Variants in SLC39A10 observed in about 807,000 individuals in gnomAD.
SLC39A10 encodes the protein solute carrier family 39 member 10.
A neutral mutation model predicts 65.1 loss-of-function variants in SLC39A10; 13 were observed. The observed-to-expected ratio is 0.20, with a 90% CI of 0.13 to 0.32. The LOEUF (loss-of-function observed/expected upper bound fraction) is 0.32. SLC39A10 is among the 10% of genes least tolerant of loss of function. The probability of loss-of-function intolerance (pLI) is 1.00; values close to 1 mark genes in which losing one functional copy is unlikely to be tolerated. For missense variants in SLC39A10, 831 were observed against 1,018.4 expected, an observed-to-expected ratio of 0.82 and a Z score of 2.50; for synonymous variants, 321 against 342.2, an observed-to-expected ratio of 0.94 and a Z score of 0.68.
At chr2:195,719,540 A>G (rs1462292419) in intron 8 of SLC39A10, among the ~76,000 whole-genome samples, 1 of 152,184 alleles carries the variant, frequency 6.6e-6, no homozygotes. Context: ...ATGCATGCTA[A>G]AGCAGTATGA....
chr2:195,662,274 C>CTT (rs778924026), intron 1 of SLC39A10, among the ~76,000 whole-genome samples: 19 of 140,762 alleles, frequency 1.3e-4, no homozygotes, highest in Admixed American at 4.3e-4. Flanking sequence ...GTGGTGTTCC[C>CTT]TTTTTTTTTT....
chr2:195,651,721 C>T (rs1270904936), intron 2 of SLC39A10, among the ~76,000 whole-genome samples: 3 of 152,240 alleles, frequency 2.0e-5, no homozygotes, highest in African/African-American at 4.8e-5. Flanking sequence ...GTGATCCACC[C>T]GCTTTGGCCT....
intron 3 of SLC39A10, among the ~76,000 whole-genome samples, chr2:195,689,856 C>A (rs1020740442): frequency 6.6e-6 from 1 of 152,134 alleles, no homozygotes; most frequent in Admixed American, 6.5e-5. Context: ...ATTATGTCCT[C>A]AAGGTTCATC....
At chr2:195,642,167 C>T (rs906531087) in intron 2 of SLC39A10, among the ~76,000 whole-genome samples, 8 of 152,040 alleles carry the variant, frequency 5.3e-5, no homozygotes, top group South Asian at 2.1e-4. Flanking sequence ...CTAACTTTCA[C>T]GGTGGAGAAT....
At chr2:195,625,025 T>C (rs1345724014) in intron 2 of SLC39A10, among the ~76,000 whole-genome samples, 3 of 149,562 alleles carry the variant, frequency 2.0e-5, no homozygotes, top group African/African-American at 7.4e-5. Flanking sequence ...AAGACCAGCC[T>C]GGACAACATG....
intron 5 of SLC39A10, among the ~76,000 whole-genome samples, chr2:195,711,167 T>G (rs907383445): frequency 1.8e-4 from 27 of 152,334 alleles, no homozygotes; most frequent in Admixed American, 1.6e-3. Context: ...GCATCTCTAA[T>G]GTGACAATCT....
chr2:195,693,072 A>T (rs1472528409), intron 3 of SLC39A10, among the ~76,000 whole-genome samples: 1 of 152,184 alleles, frequency 6.6e-6, no homozygotes, highest in Non-Finnish European at 1.5e-5. Flanking sequence ...TTCTGCATCT[A>T]TCAAGATGAT....
intron 3 of SLC39A10, among the ~76,000 whole-genome samples, chr2:195,701,435 C>CTTTTTTTTTT (rs66525117): frequency 1.8e-4 from 1 of 5,500 alleles, no homozygotes. Context: ...TTCTGTGATT[C>CTTTTTTTTTT]TTTTTTTTTT....
chr2:195,682,803 G>C (rs114844505), intron 2 of SLC39A10, among the ~76,000 whole-genome samples: 217 of 150,422 alleles, frequency 1.4e-3, no homozygotes, highest in African/African-American at 4.9e-3. Flanking sequence ...TGGTAGTTAA[G>C]ACCTAAGAAG....
At chr2:195,721,718 A>G (rs1271447504) in intron 8 of SLC39A10, among the ~76,000 whole-genome samples, 1 of 152,140 alleles carries the variant, frequency 6.6e-6, no homozygotes, top group African/African-American at 2.4e-5. Flanking sequence ...CTCATATTTA[A>G]TCTTTCACTT....
chr2:195,697,349 TC>T (rs1273515167), intron 3 of SLC39A10, among the ~76,000 whole-genome samples: 1 of 152,214 alleles, frequency 6.6e-6, no homozygotes, highest in African/African-American at 2.4e-5. Context: ...TATTAAGTCT[TC>T]CAATCCGTGA....
At chr2:195,675,467 G>T (rs993837040) in intron 1 of SLC39A10, among the ~76,000 whole-genome samples, 2 of 152,094 alleles carry the variant, frequency 1.3e-5, no homozygotes, top group Admixed American at 6.5e-5. Flanking sequence ...ACATAGTCTC[G>T]CTCTGTCGCC....
rs1161931773 is a variant in SLC39A10, at chr2:195,680,374, A to G, written c.332A>G (p.His111Arg). ...HEDLGHDHVS[H>R]LDILAVQEGK... is the part of the protein sequence containing the mutation. ...GATCTTGGCCACGATCATGTTTCTC[A>G]TTTAGATATTTTGGCAGTTCAAGAG... is the stretch of plus-strand genomic sequence containing the variant. Residue 111 changes from histidine (H) to arginine (R), a missense_variant, in exon 2 of 10, where the codon CAT becomes CGT. By Grantham distance (29) the His-to-Arg change is conservative (BLOSUM62 0). Coordinates refer to ENST00000359634, the MANE Select transcript of SLC39A10 (RefSeq NM_020342.3). The G allele has an allele frequency of 6.2e-7, 1 of 1,614,054 alleles. No individual in the cohort carries two copies. The highest frequency in any genetic ancestry group is 8.5e-7 in the Non-Finnish European group (1 of 1,180,042).
chr2:195,711,152 A>G (rs540427199), intron 5 of SLC39A10, among the ~76,000 whole-genome samples: 47 of 152,342 alleles, frequency 3.1e-4, no homozygotes, highest in Middle Eastern at 3.4e-3. Flanking sequence ...AGAATTGCCA[A>G]TTGAGCATCT....
chr2:195,613,427 T>G (rs772085887), intron 2 of SLC39A10, among the ~76,000 whole-genome samples: 4 of 152,228 alleles, frequency 2.6e-5, no homozygotes, highest in Non-Finnish European at 4.4e-5. Context: ...AGTAAGTGCA[T>G]GCTTTATAAA....
chr2:195,665,621 C>T (rs572057044), intron 1 of SLC39A10, among the ~76,000 whole-genome samples: 143 of 152,118 alleles, frequency 9.4e-4, no homozygotes, highest in African/African-American at 3.2e-3. Flanking sequence ...CAAAGTTATA[C>T]ATGAATATAG....
At chr2:195,634,497 A>G (rs144948535) in intron 2 of SLC39A10, among the ~76,000 whole-genome samples, 2,361 of 152,342 alleles carry the variant, frequency 0.015, 22 homozygotes, top group South Asian at 0.025. Flanking sequence ...GTGCCTTGTT[A>G]AATGACTTGT....
chr2:195,624,395 G>GAA (rs35636489), intron 2 of SLC39A10, among the ~76,000 whole-genome samples: 3,051 of 65,888 alleles, frequency 0.046, 164 homozygotes, highest in East Asian at 0.24. Flanking sequence ...CTCAAATAAG[G>GAA]AAAAAAAAAA....
chr2:195,644,890 C>CTTTATTTATTTA (rs55931319), intron 2 of SLC39A10, among the ~76,000 whole-genome samples: 11,356 of 137,994 alleles, frequency 0.082, 614 homozygotes, highest in African/African-American at 0.13. Context: ...AATCTAACTA[C>CTTTATTTATTTA]TTTATTTATT....
Sources: gnomAD v4.1 joint callset for allele counts (sites outside exome capture counted in the v4.1 genomes callset) on GRCh38, gnomAD v4.1.1 for gene constraint, MANE v1.5 for transcripts, NCBI Gene and HGNC (gene_info 2026-07-23, HGNC 2026-07-21) for gene names.